Variants in C12orf56 observed in about 807,000 individuals in gnomAD.
The protein encoded by C12orf56 is uncharacterized protein C12orf56.
Under a neutral mutation model 69.9 loss-of-function variants are expected in C12orf56, and 71 were observed. The ratio of observed to expected loss-of-function variants is 1.02; its 90% CI spans 0.84 to 1.24. The LOEUF is 1.24. C12orf56 is among the 50% of genes most tolerant of loss of function. C12orf56 has a pLI of 0.00. For missense variants in C12orf56, 732 were observed against 738.5 expected (o/e 0.99, Z 0.10); for synonymous variants, 276 against 274.1 (o/e 1.01, Z -0.07).
intron 1 of C12orf56, among the ~76,000 whole-genome samples, chr12:64,354,678 C>T (rs555775568): frequency 6.6e-6 from 1 of 150,702 alleles, no homozygotes; most frequent in East Asian, 2.0e-4. Context: ...AGGCTGGTCT[C>T]GAACTCCTGA....
intron 1 of C12orf56, among the ~76,000 whole-genome samples, chr12:64,375,881 C>T (rs1486410687): frequency 2.0e-5 from 3 of 152,076 alleles, no homozygotes; most frequent in Admixed American, 1.3e-4. Flanking sequence ...CTACAATCAG[C>T]GACAACCAGC....
chr12:64,297,444 A>T (rs1003992176), intron 6 of C12orf56, among the ~76,000 whole-genome samples: 2 of 151,628 alleles, frequency 1.3e-5, no homozygotes, highest in African/African-American at 4.8e-5. Flanking sequence ...CAGAATGTGC[A>T]GTTTTGTTAT....
chr12:64,278,412 C>G (rs1447386887), intron 8 of C12orf56, among the ~76,000 whole-genome samples: 1 of 152,018 alleles, frequency 6.6e-6, no homozygotes, highest in Non-Finnish European at 1.5e-5. Flanking sequence ...CTGCCTCAGC[C>G]AAGTAGCTGA....
At chr12:64,377,987 C>T (rs2039663945) in intron 1 of C12orf56, among the ~76,000 whole-genome samples, 1 of 152,128 alleles carries the variant, frequency 6.6e-6, no homozygotes, top group African/African-American at 2.4e-5. Context: ...GGGCAAATTG[C>T]TTAAATTCTC....
chr12:64,334,436 A>G (rs1203654566), intron 2 of C12orf56, among the ~76,000 whole-genome samples: 3 of 152,210 alleles, frequency 2.0e-5, no homozygotes, highest in Non-Finnish European at 4.4e-5. Flanking sequence ...GTATGCTCAA[A>G]TGCCTGATAG....
chr12:64,319,685 C>G (rs1290456039), intron 3 of C12orf56, among the ~76,000 whole-genome samples: 1 of 152,214 alleles, frequency 6.6e-6, no homozygotes, highest in Non-Finnish European at 1.5e-5. Context: ...GGGCTTGCAA[C>G]TTAGCTCACA....
chr12:64,310,417 G>A (rs970742497), intron 5 of C12orf56, among the ~76,000 whole-genome samples: 1 of 152,102 alleles, frequency 6.6e-6, no homozygotes, highest in Non-Finnish European at 1.5e-5. Flanking sequence ...TAAGCCTTCC[G>A]CATTCACTAG....
intron 3 of C12orf56, among the ~76,000 whole-genome samples, chr12:64,327,232 T>A (rs1388004811): frequency 3.3e-5 from 5 of 152,112 alleles, no homozygotes; most frequent in African/African-American, 1.2e-4. Context: ...TATTCTGTGA[T>A]ATGCAACAGA....
At chr12:64,356,958 C>T (rs753250984) in intron 1 of C12orf56, among the ~76,000 whole-genome samples, 73 of 152,144 alleles carry the variant, frequency 4.8e-4, no homozygotes, top group Non-Finnish European at 9.7e-4. Context: ...ACCCATGATT[C>T]TCTCTTAACC....
At chr12:64,284,615 G>A in intron 8 of C12orf56, 49 bp downstream of exon 8, 2 of 1,344,482 alleles carry the variant, frequency 1.5e-6, no homozygotes, top group South Asian at 2.7e-5. Context: ...AATAAGAATA[G>A]TTAATGGGTT....
intron 1 of C12orf56, among the ~76,000 whole-genome samples, chr12:64,356,183 A>C (rs1219896928): frequency 2.6e-5 from 4 of 151,014 alleles, no homozygotes; most frequent in South Asian, 2.1e-4. Context: ...AAAAAAAAAA[A>C]AAAAAAAAAA....
At chr12:64,297,196 A>C (rs2038378181) in intron 6 of C12orf56, among the ~76,000 whole-genome samples, 1 of 152,166 alleles carries the variant, frequency 6.6e-6, no homozygotes, top group African/African-American at 2.4e-5. Context: ...TAAATAAAAA[A>C]ATCTTAAAGG....
intron 2 of C12orf56, among the ~76,000 whole-genome samples, chr12:64,334,043 T>C (rs1359475613): frequency 1.3e-5 from 2 of 152,208 alleles, no homozygotes; most frequent in Non-Finnish European, 2.9e-5. Context: ...GCTTCTTCAG[T>C]GGCTTGGATA....
chr12:64,345,655 C>G (rs1333953555), intron 2 of C12orf56, among the ~76,000 whole-genome samples: 1 of 152,182 alleles, frequency 6.6e-6, no homozygotes, highest in Non-Finnish European at 1.5e-5. Flanking sequence ...AGATAAGACT[C>G]TCACTCAGGG....
intron 5 of C12orf56, among the ~76,000 whole-genome samples, chr12:64,304,722 G>T (rs1037463665): frequency 4.6e-5 from 7 of 152,138 alleles, no homozygotes; most frequent in Non-Finnish European, 8.8e-5. Context: ...CGAGGTGGCC[G>T]GCTCTGGCCT....
chr12:64,317,655 G>T (rs2038706574), intron 4 of C12orf56, among the ~76,000 whole-genome samples: 1 of 152,060 alleles, frequency 6.6e-6, no homozygotes, highest in African/African-American at 2.4e-5. Flanking sequence ...AGCTACTCAG[G>T]AGGCTGAGGC....
chr12:64,314,112 G>A (rs892917996), intron 4 of C12orf56, among the ~76,000 whole-genome samples: 1 of 150,510 alleles, frequency 6.6e-6, no homozygotes, highest in African/African-American at 2.4e-5. Context: ...ATGAGACAGG[G>A]TCTCACTCTG....
chr12:64,315,140 C>T (rs1358453217), intron 4 of C12orf56, among the ~76,000 whole-genome samples: 3 of 151,420 alleles, frequency 2.0e-5, no homozygotes, highest in South Asian at 2.1e-4. Context: ...TTAGTAGAGA[C>T]GGGGTTTCAC....
intron 2 of C12orf56, among the ~76,000 whole-genome samples, chr12:64,347,761 G>A (rs886400269): frequency 6.6e-6 from 1 of 152,166 alleles, no homozygotes; most frequent in Admixed American, 6.5e-5. Context: ...AAAAGCTGTG[G>A]TACCTTTTAG....
Sources: allele counts gnomAD v4.1 joint callset (sites outside exome capture counted in the v4.1 genomes callset), GRCh38; gene constraint gnomAD v4.1.1; transcripts MANE v1.5; gene names NCBI Gene and HGNC (gene_info 2026-07-23, HGNC 2026-07-21).